ANXA8: variants seen among roughly 807,000 people sequenced by gnomAD.
The protein encoded by ANXA8 is annexin A8.
In ANXA8, 9 loss-of-function variants were observed where a neutral mutation model predicts 26.8. The observed-to-expected ratio is 0.34, with a 90% CI of 0.20 to 0.59. ANXA8 has a LOEUF of 0.59. Ranked by LOEUF, ANXA8 falls within the 20% of genes least tolerant of loss-of-function variation. ANXA8 has a pLI of 0.84. For synonymous variants in ANXA8, 39 were observed against 94.8 expected (o/e 0.41, Z 3.42); for missense variants, 83 against 238.5 (o/e 0.35, Z 4.29).
At chr10:47,470,315 G>C (rs1839295234) in intron 11 of ANXA8, among the ~76,000 whole-genome samples, 1 of 149,432 alleles carries the variant, frequency 6.7e-6, no homozygotes, top group Non-Finnish European at 1.5e-5. Flanking sequence ...ATTTGAAGAG[G>C]GTGGCTTCAT....
the ANXA8 span, among the ~76,000 whole-genome samples, chr10:47,647,032 C>A: frequency 1.3e-5 from 2 of 152,188 alleles, no homozygotes; most frequent in African/African-American, 2.4e-5. Context: ...AATATGATTT[C>A]TTTGAATGCA....
At chr10:47,469,633 G>A (rs1839252760) in intron 11 of ANXA8, among the ~76,000 whole-genome samples, 1 of 151,666 alleles carries the variant, frequency 6.6e-6, no homozygotes, top group Admixed American at 6.6e-5. Flanking sequence ...ATACAGAGCT[G>A]GGAAATGGGC....
At chr10:47,516,052 TAG>T in the ANXA8 span, among the ~76,000 whole-genome samples, 118 of 123,340 alleles carry the variant, frequency 9.6e-4, 13 homozygotes, top group African/African-American at 3.7e-3. Flanking sequence ...ATAGAAATAG[TAG>T]AGGATAAAGT....
chr10:47,777,490 C>A, the ANXA8 span, among the ~76,000 whole-genome samples: 1 of 152,172 alleles, frequency 6.6e-6, no homozygotes, highest in Non-Finnish European at 1.5e-5. Flanking sequence ...GCCCTGGAAC[C>A]CTTACATACA....
At chr10:47,558,554 TG>T in the ANXA8 span, among the ~76,000 whole-genome samples, 1 of 151,490 alleles carries the variant, frequency 6.6e-6, no homozygotes. Context: ...TGTGTGTGTG[TG>T]TGTGTGTGTG....
chr10:47,959,657 CG>C, the ANXA8 span, among the ~76,000 whole-genome samples: 2 of 148,032 alleles, frequency 1.4e-5, no homozygotes, highest in African/African-American at 5.1e-5. Context: ...AGGCCAGAGA[CG>C]GGGAGGGAAA....
At chr10:47,560,873 T>G in the ANXA8 span, among the ~76,000 whole-genome samples, 1 of 151,876 alleles carries the variant, frequency 6.6e-6, no homozygotes, top group African/African-American at 2.4e-5. Context: ...TGCAGTGACC[T>G]GAGCGTAGCT....
chr10:47,877,399 C>CAT, the ANXA8 span, among the ~76,000 whole-genome samples: 15 of 3,964 alleles, frequency 3.8e-3, no homozygotes, highest in African/African-American at 0.015. Context: ...CCACCTATTA[C>CAT]ATATATATAC....
At chr10:47,985,143 A>G in the ANXA8 span, among the ~76,000 whole-genome samples, 1 of 150,094 alleles carries the variant, frequency 6.7e-6, no homozygotes, top group South Asian at 2.1e-4. Flanking sequence ...AAAAAATCTG[A>G]TAAGAAATTG....
the ANXA8 span, among the ~76,000 whole-genome samples, chr10:47,686,408 T>C: frequency 6.6e-6 from 1 of 151,500 alleles, no homozygotes; most frequent in Non-Finnish European, 1.5e-5. Context: ...TATGGGATTT[T>C]ACCATGTTGC....
At chr10:47,733,090 T>A in the ANXA8 span, among the ~76,000 whole-genome samples, 1 of 151,866 alleles carries the variant, frequency 6.6e-6, no homozygotes, top group East Asian at 1.9e-4. Context: ...AGTACCAGCT[T>A]AAGGCACAGT....
chr10:47,694,115 G>A, the ANXA8 span, among the ~76,000 whole-genome samples: 7 of 151,782 alleles, frequency 4.6e-5, no homozygotes, highest in African/African-American at 1.7e-4. Flanking sequence ...AGTTGTTAAC[G>A]ACTAGGTAAC....
the ANXA8 span, among the ~76,000 whole-genome samples, chr10:47,561,797 C>G: frequency 2.0e-5 from 3 of 151,366 alleles, no homozygotes; most frequent in Admixed American, 2.0e-4. Flanking sequence ...AAGCCAGATA[C>G]TAAACACATG....
chr10:47,572,310 C>T, the ANXA8 span, among the ~76,000 whole-genome samples: 1 of 146,022 alleles, frequency 6.8e-6, no homozygotes, highest in Non-Finnish European at 1.5e-5. Context: ...CCTTATATCT[C>T]TGTGCACCAA....
the ANXA8 span, among the ~76,000 whole-genome samples, chr10:47,705,935 G>A: frequency 6.6e-6 from 1 of 150,466 alleles, no homozygotes; most frequent in Non-Finnish European, 1.5e-5. Flanking sequence ...TATTTCGGGG[G>A]GCGGAGGCGG....
chr10:47,495,227 G>C, the ANXA8 span, among the ~76,000 whole-genome samples: 1 of 147,242 alleles, frequency 6.8e-6, no homozygotes, highest in Non-Finnish European at 1.5e-5. Flanking sequence ...CTCACTCTGC[G>C]GGATTTCTGG....
the ANXA8 span, among the ~76,000 whole-genome samples, chr10:47,588,469 C>A: frequency 7.2e-6 from 1 of 139,354 alleles, no homozygotes; most frequent in Non-Finnish European, 1.5e-5. Flanking sequence ...TCTATTGCAA[C>A]AGAAATAGCC....
chr10:47,735,222 C>T, the ANXA8 span, among the ~76,000 whole-genome samples: 1 of 142,434 alleles, frequency 7.0e-6, no homozygotes, highest in Non-Finnish European at 1.5e-5. Context: ...ACCTCAGCCT[C>T]CCTGGTAGCT....
chr10:47,523,898 GC>G, the ANXA8 span, among the ~76,000 whole-genome samples: 1 of 150,464 alleles, frequency 6.6e-6, no homozygotes, highest in Non-Finnish European at 1.5e-5. Context: ...AAGCCCACTG[GC>G]CCCAGGTGGG....
Sources: gnomAD v4.1 joint callset for allele counts (sites outside exome capture counted in the v4.1 genomes callset) on GRCh38, gnomAD v4.1.1 for gene constraint, MANE v1.5 for transcripts, NCBI Gene and HGNC (gene_info 2026-07-23, HGNC 2026-07-21) for gene names.